Variants in TMEM235 observed in about 807,000 individuals in gnomAD.
TMEM235 encodes transmembrane protein 235.
Under a neutral mutation model 22.9 loss-of-function variants are expected in TMEM235, and 23 were observed. The observed-to-expected ratio is 1.00, with a 90% CI of 0.72 to 1.42. TMEM235 has a LOEUF of 1.42. TMEM235 is among the 40% of genes most tolerant of loss of function. The pLI, the probability that TMEM235 is intolerant of heterozygous loss-of-function variation, is 0.00. For synonymous variants in TMEM235, 137 were observed against 140.5 expected (o/e 0.98, Z 0.17); for missense variants, 308 against 299.5 (o/e 1.03, Z -0.21).
At chr17:78,236,655 G>T (rs2076647622) in intron 4 of TMEM235, among the ~76,000 whole-genome samples, 1 of 152,222 alleles carries the variant, frequency 6.6e-6, no homozygotes, top group Admixed American at 6.5e-5. Flanking sequence ...TCTGTCCTCA[G>T]CCGCCCCTGT....
chr17:78,236,521 A>G (rs970822521), intron 4 of TMEM235, among the ~76,000 whole-genome samples: 3 of 152,134 alleles, frequency 2.0e-5, no homozygotes, highest in African/African-American at 7.2e-5. Flanking sequence ...CAGGTGAGAA[A>G]TCTGAGGCCT....
At position 78,234,585 on chromosome 17, in the gene TMEM235, T is replaced by G; in HGVS notation, c.272-8T>G. On this transcript the variant is annotated splice_region_variant and splice_polypyrimidine_tract_variant and intron_variant, in intron 3 of 5. Coordinates refer to ENST00000421688, the Ensembl canonical transcript of TMEM235. ...CCAGAATTCTCACCTGAGCCCCCTT[T>G]CCTGCAGTGCTGCACCGTGCAGTCA... 1 of 1,536,042 alleles carries G rather than the reference T, an allele frequency of 6.5e-7. No homozygotes were observed. Among genetic ancestry groups the G allele is most frequent in the Non-Finnish European group, 8.7e-7 (1 of 1,146,792 alleles).
intron 4 of TMEM235, among the ~76,000 whole-genome samples, chr17:78,236,778 T>G (rs1275709567): frequency 6.6e-6 from 1 of 152,186 alleles, no homozygotes; most frequent in Non-Finnish European, 1.5e-5. Flanking sequence ...CCTGTTTCTC[T>G]GGGAGGCCTC....
rs2076676449 is a variant in TMEM235, at chr17:78,239,006, T to TC, written c.410-14dup. 2 of 1,530,274 alleles carry TC rather than the reference T, an allele frequency of 1.3e-6. No individual in the cohort carries two copies. The highest frequency in any genetic ancestry group is 1.4e-5 in the African/African-American group (1 of 72,972). 94.8% of individuals were successfully genotyped at this position (1,530,274 alleles called of 1,614,324 possible). On this transcript the variant is annotated splice_polypyrimidine_tract_variant and intron_variant, in intron 4 of 5. Transcript: ENST00000421688. ...TAGAGCAGACACCGAGCAGCTGCCC[T>TC]CCCCATCTCTCCCCCAGGTGTCCTG...
chr17:78,231,366 C>T (rs1199540871), intron 1 of TMEM235: 15 of 1,235,444 alleles, frequency 1.2e-5, no homozygotes, highest in Non-Finnish European at 1.6e-5. Flanking sequence ...AGGCAGAGGC[C>T]GGCCTTGCTG....
intron 4 of TMEM235, among the ~76,000 whole-genome samples, chr17:78,235,710 C>T (rs908080115): frequency 2.7e-5 from 4 of 149,928 alleles, no homozygotes; most frequent in Non-Finnish European, 3.0e-5. Flanking sequence ...ATGCCATTCT[C>T]TTGCCTCAGC....
intron 4 of TMEM235, among the ~76,000 whole-genome samples, chr17:78,236,312 G>A (rs949071514): frequency 1.3e-5 from 2 of 152,224 alleles, no homozygotes; most frequent in African/African-American, 4.8e-5. Context: ...GGGTTCCGGG[G>A]TTTGGCACAG....
At chr17:78,233,131 G>A (rs1189386628) in intron 2 of TMEM235, among the ~76,000 whole-genome samples, 1 of 152,224 alleles carries the variant, frequency 6.6e-6, no homozygotes, top group Non-Finnish European at 1.5e-5. Context: ...CTCCTGACAT[G>A]CACCTGTGTG....
exon 2 of TMEM235, chr17:78,232,102 G>A: frequency 2.7e-6 from 4 of 1,470,944 alleles, no homozygotes; most frequent in Admixed American, 2.4e-5. Flanking sequence ...CGCCGCGGTC[G>A]CCAGCGACTA....
intron 2 of TMEM235, among the ~76,000 whole-genome samples, chr17:78,233,307 A>G (rs1051284072): frequency 6.6e-6 from 1 of 152,224 alleles, no homozygotes; most frequent in Non-Finnish European, 1.5e-5. Flanking sequence ...AGTTCCACAC[A>G]CAAACGCATT....
chr17:78,234,414 C>A, intron 3 of TMEM235, 179 bp from the exon 3 acceptor site: 1 of 949,116 alleles, frequency 1.1e-6, no homozygotes, highest in Non-Finnish European at 1.6e-6. Flanking sequence ...CCCCTCCTGG[C>A]CTTAGGAAGC....
At chr17:78,231,684 CG>C in exon 2 of TMEM235, 2 of 1,288,300 alleles carry the variant, frequency 1.6e-6, no homozygotes, top group Admixed American at 2.4e-5. Flanking sequence ...GCTGAGGAGC[CG>C]GGGGTTCAGG....
Position 78,239,958 on chromosome 17 carries a change from G to A in TMEM235, c.*166G>A, listed in dbSNP as rs532980563. ...GAGAGCCCCTCCGATTTGCAGGGGTGGGGGGCAAGGAGCTGAGCGATCCAG... is the reference window on the plus strand; with the variant it reads ...GAGAGCCCCTCCGATTTGCAGGGGTAGGGGGCAAGGAGCTGAGCGATCCAG... On this transcript the variant is annotated 3_prime_UTR_variant, in exon 6 of 6. Coordinates refer to ENST00000421688, the Ensembl canonical transcript of TMEM235. 58 of 1,548,854 alleles carry A rather than the reference G, an allele frequency of 3.7e-5. No individual in the cohort carries two copies. The African/African-American group carries it at 7.0e-4, about 19-fold the overall frequency.
At chr17:78,234,498 TGA>T (rs2076620633) in intron 3 of TMEM235, 93 bp from the exon 3 acceptor site, 5 of 1,505,532 alleles carry the variant, frequency 3.3e-6, no homozygotes. Flanking sequence ...CCGCTTTTCC[TGA>T]GAAGACGAAG....
At chr17:78,240,444 G>T (rs1160132024) in exon 6 of TMEM235, 1 of 172,090 alleles carries the variant, frequency 5.8e-6, no homozygotes, top group African/African-American at 2.4e-5. Flanking sequence ...GGGTGAGACA[G>T]GTGAGAAGAG....
At chr17:78,236,147 G>C (rs144154330) in intron 4 of TMEM235, among the ~76,000 whole-genome samples, 1 of 152,228 alleles carries the variant, frequency 6.6e-6, no homozygotes, top group Non-Finnish European at 1.5e-5. Context: ...GGACAGGGAG[G>C]AGCACCGGGG....
exon 5 of TMEM235, chr17:78,239,195 T>C (rs1401327104): frequency 6.5e-7 from 1 of 1,543,444 alleles, no homozygotes. Context: ...AGCGGAACCC[T>C]CCTGCTCTCA....
At chr17:78,239,716 C>A in intron 5 of TMEM235, 64 bp from the exon 5 acceptor site, 2 of 1,495,640 alleles carry the variant, frequency 1.3e-6, no homozygotes, top group Non-Finnish European at 1.8e-6. Flanking sequence ...CAGGACTGGG[C>A]TCCATGCTCC....
In TMEM235 at chr17:78,233,937, A is replaced by C. The variant is rs1257491756; in HGVS notation, c.233A>C (p.Glu78Ala). 3 of 1,535,370 alleles carry C rather than the reference A, an allele frequency of 2.0e-6. No homozygotes were observed. In the East Asian group the frequency reaches 7.3e-5, roughly 38 times the overall value. ...CCGCTGGTCGACCCTTTTGCCAGTG[A>C]GAGCCTGGACGTCTCCACCTCGGTG... is the stretch of plus-strand genomic sequence containing the variant. The change falls in exon 3 of 6, where the codon GAG becomes GCG. Residue 78 changes from glutamate to alanine, a missense_variant. Glu to Ala is a moderately radical substitution (Grantham distance 107). Coordinates refer to ENST00000421688, the Ensembl canonical transcript of TMEM235.
Sources: allele counts gnomAD v4.1 joint callset (sites outside exome capture counted in the v4.1 genomes callset), GRCh38; gene constraint gnomAD v4.1.1; transcripts MANE v1.5; gene names NCBI Gene and HGNC (gene_info 2026-07-23, HGNC 2026-07-21).